C20orf96: variants seen among roughly 807,000 people sequenced by gnomAD.
C20orf96 encodes the protein uncharacterized protein C20orf96.
In C20orf96, 57 loss-of-function variants were observed where a neutral mutation model predicts 52.6. The ratio of observed to expected loss-of-function variants is 1.08; its 90% CI spans 0.88 to 1.35. The LOEUF is 1.35. C20orf96 is among the 40% of genes most tolerant of loss of function. C20orf96 has a pLI of 0.00. For synonymous variants in C20orf96, 168 were observed against 157.2 expected (o/e 1.07, Z -0.51); for missense variants, 478 against 443.6 (o/e 1.08, Z -0.70).
At position 279,339 on chromosome 20, in the gene C20orf96, G is replaced by A. The variant is rs757568819; in HGVS notation, c.307-9C>T. On this transcript the variant is annotated splice_polypyrimidine_tract_variant and intron_variant, in intron 4 of 10. Coordinates refer to ENST00000360321, the MANE Select transcript of C20orf96 (RefSeq NM_153269.3). Reference sequence around the variant, plus strand: ...CCGCTCCTGAGCGAGGTCTGCGGGCGGAGGGAAGAGCAGAGAGGCGGCGCT... The same window carrying A: ...CCGCTCCTGAGCGAGGTCTGCGGGCAGAGGGAAGAGCAGAGAGGCGGCGCT... 3 of 1,600,526 alleles carry A rather than the reference G, an allele frequency of 1.9e-6. No individual in the cohort carries two copies. Among genetic ancestry groups the A allele is most frequent in the Non-Finnish European group, 1.7e-6 (2 of 1,178,512 alleles).
intron 5 of C20orf96, 83 bp downstream of exon 5, chr20:279,089 C>CGGGAGGGA (rs2012158992): frequency 3.9e-5 from 22 of 569,244 alleles, no homozygotes; most frequent in East Asian, 3.0e-4. Flanking sequence ...GGACGGAGGG[C>CGGGAGGGA]GGGACGGAGG....
At chr20:290,409 GT>G in intron 1 of C20orf96, 102 bp from the exon 2 acceptor site, 1 of 1,559,526 alleles carries the variant, frequency 6.4e-7, no homozygotes, top group Non-Finnish European at 8.7e-7. Context: ...AGAAACTGCA[GT>G]TTACCGGGGA....
rs374351306 is a variant in C20orf96, at chr20:278,433, C to A, written c.466-4G>T. 3 of 1,612,418 alleles carry A rather than the reference C, an allele frequency of 1.9e-6. No individual in the cohort carries two copies. Among genetic ancestry groups the A allele is most frequent in the Non-Finnish European group, 2.5e-6 (3 of 1,178,686 alleles). On this transcript the variant is annotated splice_region_variant and splice_polypyrimidine_tract_variant and intron_variant, in intron 5 of 10. Coordinates refer to ENST00000360321, the MANE Select transcript of C20orf96 (RefSeq NM_153269.3). ...ACTCCAAGATGTCGATGATGGTCTGCGGGAGGGGTGGAGTCAACTCACCCA... is the reference window on the plus strand; with the variant it reads ...ACTCCAAGATGTCGATGATGGTCTGAGGGAGGGGTGGAGTCAACTCACCCA...
intron 10 of C20orf96, among the ~76,000 whole-genome samples, chr20:275,063 G>A (rs905214410): frequency 9.2e-5 from 14 of 152,048 alleles, no homozygotes; most frequent in African/African-American, 2.4e-4. Context: ...GTGATCCACC[G>A]GCCTTGGCCT....
intron 6 of C20orf96, 69 bp downstream of exon 6, chr20:278,261 G>T: frequency 8.9e-7 from 1 of 1,128,840 alleles, no homozygotes; most frequent in Non-Finnish European, 1.4e-6. Context: ...AGTACAAGGT[G>T]AATGCTCTGC....
chr20:271,376 G>A (rs936410944), intron 10 of C20orf96, 109 bp from the exon 11 acceptor site: 178 of 819,072 alleles, frequency 2.2e-4, no homozygotes, highest in Non-Finnish European at 3.0e-4. Context: ...TTGGGTTGGG[G>A]GGCAATCCCA....
At chr20:287,381 C>T (rs541334177) in intron 3 of C20orf96, among the ~76,000 whole-genome samples, 55 of 152,308 alleles carry the variant, frequency 3.6e-4, no homozygotes, top group African/African-American at 1.3e-3. Context: ...AGTGATATCT[C>T]ACTGTGGCTT....
Position 276,683 on chromosome 20 carries a change from G to GAGTCAA in C20orf96, c.912+109_912+110insTTGACT, listed in dbSNP as rs2012034853. On this transcript the variant is annotated intron_variant, in intron 9 of 10. Coordinates refer to ENST00000360321, the MANE Select transcript of C20orf96 (RefSeq NM_153269.3). ...AGGAGGGAGGCCAACACCAGAGTCA[G>GAGTCAA]AGACCTCCTGAGCGCCAGATCAGGA... 1.9e-5 allele frequency: 29 copies of GAGTCAA among 1,513,468 alleles called. No homozygotes were observed. In the South Asian group the frequency reaches 3.5e-4, roughly 18 times the overall value. The allele number at this position is 1,513,468 out of a possible 1,614,324, so 93.8% of individuals were successfully genotyped here.
intron 5 of C20orf96, 107 bp downstream of exon 5, chr20:279,053 CGGGACGGAGGGA>C (rs1568491357): frequency 1.9e-5 from 2 of 102,894 alleles, no homozygotes; most frequent in African/African-American, 2.8e-4. Context: ...GGCGGGAGGG[CGGGACGGAGGGA>C]GGGAGGGAGG....
chr20:279,468 C>G, intron 4 of C20orf96, 138 bp from the exon 5 acceptor site: 1 of 983,762 alleles, frequency 1.0e-6, no homozygotes, highest in South Asian at 1.8e-5. Flanking sequence ...GCGGCCCAAG[C>G]TGGGCGGTTC....
Position 279,267 on chromosome 20 carries a change from T to G in C20orf96, c.370A>C (p.Lys124Gln). 6.2e-7 allele frequency: 1 copy of G among 1,610,772 alleles called. No homozygotes were observed. The highest frequency in any genetic ancestry group is 1.7e-5 in the Admixed American group (1 of 59,932). Residue 124 changes from lysine to glutamine, a missense_variant, in exon 5 of 11, where the codon AAG becomes CAG. Physicochemically the swap from Lys to Gln is moderately conservative, Grantham distance 53. Coordinates refer to ENST00000360321, the MANE Select transcript of C20orf96 (RefSeq NM_153269.3). ...GTCTCGATCAGCTCCCGGTTGAGCT[T>G]GCTGAGGAAGTTCTCACGGCTTCGG... ...ELRSRENFLS[K>Q]LNRELIETIQ...
Position 276,858 on chromosome 20 carries a change from C to T in C20orf96, c.847G>A (p.Glu283Lys), listed in dbSNP as rs1454913634. 6.2e-7 allele frequency: 1 copy of T among 1,614,002 alleles called. No individual in the cohort carries two copies. Among genetic ancestry groups the T allele is most frequent in the South Asian group, 1.1e-5 (1 of 91,044 alleles). ...VVAETQRPYEEALLQKMWESQ... is the reference protein window; with the variant it reads ...VVAETQRPYEKALLQKMWESQ... Reference sequence around the variant, plus strand: ...TCCCACATCTTCTGTAGGAGAGCCTCTTCATAGGGACGCTGGGTTTCCTGT... The same window carrying T: ...TCCCACATCTTCTGTAGGAGAGCCTTTTCATAGGGACGCTGGGTTTCCTGT... Residue 283 changes from glutamate to lysine, a missense_variant, in exon 9 of 11, where the codon GAG becomes AAG. Coordinates refer to ENST00000360321, the MANE Select transcript of C20orf96 (RefSeq NM_153269.3).
chr20:276,271 A>T (rs974653562), intron 9 of C20orf96, 185 bp from the exon 10 acceptor site: 8 of 985,360 alleles, frequency 8.1e-6, no homozygotes, highest in Non-Finnish European at 9.6e-6. Context: ...CAAGTTAGTG[A>T]CAATATTCAG....
intron 3 of C20orf96, among the ~76,000 whole-genome samples, chr20:284,852 C>A (rs1441976451): frequency 2.0e-5 from 3 of 152,086 alleles, no homozygotes; most frequent in Admixed American, 1.3e-4. Flanking sequence ...GACTCTATCT[C>A]AAAAAATATA....
At chr20:279,699 G>C (rs1040080561) in intron 4 of C20orf96, among the ~76,000 whole-genome samples, 2 of 152,138 alleles carry the variant, frequency 1.3e-5, no homozygotes, top group Admixed American at 6.5e-5. Flanking sequence ...GGGCCGGGCG[G>C]GGTGGCTCAC....
At chr20:271,663 T>A (rs1413386520) in intron 10 of C20orf96, among the ~76,000 whole-genome samples, 1 of 152,156 alleles carries the variant, frequency 6.6e-6, no homozygotes, top group African/African-American at 2.4e-5. Context: ...TTGAGCAAGC[T>A]ATTTCTACTC....
At chr20:286,699 A>G (rs564013796) in intron 3 of C20orf96, among the ~76,000 whole-genome samples, 23 of 152,172 alleles carry the variant, frequency 1.5e-4, no homozygotes, top group Non-Finnish European at 2.9e-4. Context: ...GTACGGTACA[A>G]TATCACAACC....
chr20:283,503 C>T (rs755248094), intron 4 of C20orf96, among the ~76,000 whole-genome samples: 1 of 152,050 alleles, frequency 6.6e-6, no homozygotes, highest in Non-Finnish European at 1.5e-5. Flanking sequence ...GGGGTTTCAC[C>T]ACGTTGGCCA....
intron 8 of C20orf96, 24 bp downstream of exon 8, chr20:277,020 C>T: frequency 3.1e-6 from 5 of 1,608,338 alleles, no homozygotes; most frequent in Admixed American, 1.7e-5. Context: ...GATCCCCGCT[C>T]CCACACAGCA....
Sources: gnomAD v4.1 joint callset for allele counts (sites outside exome capture counted in the v4.1 genomes callset) on GRCh38, gnomAD v4.1.1 for gene constraint, MANE v1.5 for transcripts, NCBI Gene and HGNC (gene_info 2026-07-23, HGNC 2026-07-21) for gene names.